Variants in WWTR1 observed in about 807,000 individuals in gnomAD.
WWTR1 encodes WW domain containing transcription regulator 1.
A neutral mutation model predicts 40.1 loss-of-function variants in WWTR1; 13 were observed. The ratio of observed to expected loss-of-function variants is 0.32; its 90% CI spans 0.21 to 0.52. WWTR1 has a LOEUF of 0.52. WWTR1 is among the 20% of genes least tolerant of loss of function. The pLI is 0.97. For synonymous variants in WWTR1, 230 were observed against 210.1 expected (o/e 1.09, Z -0.82); for missense variants, 436 against 523.1 (o/e 0.83, Z 1.63).
upstream of WWTR1, among the ~76,000 whole-genome samples, chr3:149,707,133 G>C (rs1034047822): frequency 3.9e-5 from 6 of 152,168 alleles, no homozygotes; most frequent in Non-Finnish European, 8.8e-5. Context: ...ACTCTGTGTT[G>C]TGTGCATTAG....
At chr3:149,565,267 T>C (rs894506756) in intron 3 of WWTR1, among the ~76,000 whole-genome samples, 1 of 152,092 alleles carries the variant, frequency 6.6e-6, no homozygotes, top group Non-Finnish European at 1.5e-5. Context: ...AACTAACACA[T>C]CTTTGTGTAT....
chr3:149,544,813 A>T (rs1178441697), intron 3 of WWTR1, among the ~76,000 whole-genome samples: 2 of 152,198 alleles, frequency 1.3e-5, no homozygotes, highest in African/African-American at 4.8e-5. Context: ...CAAAATAGGG[A>T]CCCAAATGTT....
intron 2 of WWTR1, among the ~76,000 whole-genome samples, chr3:149,575,740 AAGAGCAGGAACATCT>A (rs1193747288): frequency 6.6e-6 from 1 of 152,190 alleles, no homozygotes; most frequent in Non-Finnish European, 1.5e-5. Flanking sequence ...TGAATGCGGC[AAGAGCAGGAACATCT>A]AGCATAGGAA....
At chr3:149,548,173 G>T (rs1736452968) in intron 3 of WWTR1, among the ~76,000 whole-genome samples, 1 of 152,080 alleles carries the variant, frequency 6.6e-6, no homozygotes, top group African/African-American at 2.4e-5. Context: ...CAAGAAAGTC[G>T]CCCGGACTCA....
chr3:149,667,796 T>G (rs959298835), intron 2 of WWTR1, among the ~76,000 whole-genome samples: 1 of 152,204 alleles, frequency 6.6e-6, no homozygotes, highest in South Asian at 2.1e-4. Flanking sequence ...TTTTTGTGAA[T>G]GATTTTAGAC....
At chr3:149,718,830 AT>A (rs35647871) in intron 4 of WWTR1, among the ~76,000 whole-genome samples, 59,538 of 148,852 alleles carry the variant, frequency 0.4, 12,412 homozygotes, top group African/African-American at 0.53. Flanking sequence ...CTTCTTCTTC[AT>A]TTTTTTTTTC....
intron 4 of WWTR1, among the ~76,000 whole-genome samples, chr3:149,538,670 A>T (rs1735939733): frequency 1.3e-5 from 2 of 152,196 alleles, no homozygotes; most frequent in South Asian, 4.2e-4. Flanking sequence ...TGTAGCCAGT[A>T]ACCTGAGGGG....
chr3:149,699,757 C>G (rs1211559788), intron 1 of WWTR1, among the ~76,000 whole-genome samples: 1 of 152,216 alleles, frequency 6.6e-6, no homozygotes, highest in Non-Finnish European at 1.5e-5. Flanking sequence ...GTCAATATCT[C>G]TATCAGCATT....
chr3:149,579,593 C>T (rs986846001), intron 2 of WWTR1, among the ~76,000 whole-genome samples: 2 of 152,084 alleles, frequency 1.3e-5, no homozygotes, highest in Non-Finnish European at 2.9e-5. Flanking sequence ...GGGAGGACTG[C>T]TTGAGCCCCA....
chr3:149,682,877 G>C lies in WWTR1; in HGVS notation c.-107-12986C>G, dbSNP rs569978366. 5.3e-5 allele frequency among the ~76,000 whole-genome samples: 8 copies of C among 152,152 alleles called. No individual in the cohort carries two copies. The South Asian group carries it at 1.7e-3, about 32-fold the overall frequency. On this transcript the variant is annotated intron_variant, in intron 1 of 7. Transcript: ENST00000465804. The stretch of plus-strand genomic sequence containing the variant: ...TCTGCAGAAACCGCCATGGAAAGCT[G>C]TAAGAAGCCACCTTCAGTCTTCCCA...
intron 3 of WWTR1, among the ~76,000 whole-genome samples, chr3:149,551,734 A>G (rs1418824821): frequency 1.4e-5 from 2 of 145,386 alleles, no homozygotes; most frequent in African/African-American, 5.2e-5. Flanking sequence ...ATGGCCATCC[A>G]TAGACCTAGG....
intron 2 of WWTR1, among the ~76,000 whole-genome samples, chr3:149,623,302 G>A (rs1740398276): frequency 6.6e-6 from 1 of 152,198 alleles, no homozygotes; most frequent in Admixed American, 6.5e-5. Flanking sequence ...AGTGGAGGTT[G>A]CAGTGAGCCG....
chr3:149,577,105 C>T (rs770912650), intron 2 of WWTR1, among the ~76,000 whole-genome samples: 3 of 152,006 alleles, frequency 2.0e-5, no homozygotes, highest in Non-Finnish European at 4.4e-5. Flanking sequence ...TGTGGTGAGC[C>T]GAGATCGCAC....
At chr3:149,559,311 AAAGAAAAG>A (rs1736987733) in intron 3 of WWTR1, among the ~76,000 whole-genome samples, 4 of 148,082 alleles carry the variant, frequency 2.7e-5, no homozygotes, top group African/African-American at 1.0e-4. Flanking sequence ...AAAAAAAAAA[AAAGAAAAG>A]AAAAGAAAAA....
At chr3:149,533,983 CA>C (rs1735707929) in intron 4 of WWTR1, among the ~76,000 whole-genome samples, 1 of 152,004 alleles carries the variant, frequency 6.6e-6, no homozygotes, top group Non-Finnish European at 1.5e-5. Flanking sequence ...TCCTGGCTAA[CA>C]TGGTGAAACC....
intron 2 of WWTR1, among the ~76,000 whole-genome samples, chr3:149,617,248 CT>C (rs1296150855): frequency 3.3e-4 from 50 of 152,158 alleles, no homozygotes; most frequent in African/African-American, 1.2e-3. Context: ...GAAAAACGAA[CT>C]TTCATCTCAT....
At chr3:149,569,096 A>G (rs889086788) in intron 3 of WWTR1, among the ~76,000 whole-genome samples, 3 of 152,172 alleles carry the variant, frequency 2.0e-5, no homozygotes, top group South Asian at 4.1e-4. Context: ...TAAGGTGTCT[A>G]GTGATAAGAA....
intron 2 of WWTR1, among the ~76,000 whole-genome samples, chr3:149,585,495 T>C (rs1435359219): frequency 1.3e-5 from 2 of 152,168 alleles, no homozygotes; most frequent in African/African-American, 2.4e-5. Flanking sequence ...GACAAAAATA[T>C]TCTTAAAACA....
At chr3:149,696,742 C>T (rs141240106) in intron 1 of WWTR1, among the ~76,000 whole-genome samples, 5 of 152,258 alleles carry the variant, frequency 3.3e-5, no homozygotes, top group South Asian at 4.2e-4. Context: ...ACGAGCATGG[C>T]GTTTTTGAAT....
Sources: allele counts gnomAD v4.1 joint callset (sites outside exome capture counted in the v4.1 genomes callset), GRCh38; gene constraint gnomAD v4.1.1; transcripts MANE v1.5; gene names NCBI Gene and HGNC (gene_info 2026-07-23, HGNC 2026-07-21).